Variants in IRX2 observed in about 807,000 individuals in gnomAD.
IRX2 encodes the protein iroquois-class homeodomain protein IRX-2.
In IRX2, 26 loss-of-function variants were observed where a neutral mutation model predicts 42.9. That is an observed-to-expected ratio of 0.61 (90% confidence interval 0.44 to 0.84). IRX2 has a LOEUF of 0.84. IRX2 is among the 40% of genes least tolerant of loss of function. The probability of loss-of-function intolerance (pLI) is 0.00; values close to 1 mark genes in which losing one functional copy is unlikely to be tolerated. For missense variants in IRX2, 782 were observed against 713.9 expected, an observed-to-expected ratio of 1.10 and a Z score of -1.09; for synonymous variants, 424 against 353.9, an observed-to-expected ratio of 1.20 and a Z score of -2.22.
the IRX2 span, among the ~76,000 whole-genome samples, chr5:2,735,718 G>C: frequency 6.6e-6 from 1 of 152,158 alleles, no homozygotes; most frequent in African/African-American, 2.4e-5. Flanking sequence ...GATGTAAGCA[G>C]AGTCTGGCAT....
chr5:2,748,783 T>C lies in IRX2; in HGVS notation c.925A>G (p.Lys309Glu). 1 of 1,408,534 alleles carries C rather than the reference T, an allele frequency of 7.1e-7. No individual in the cohort carries two copies. Among genetic ancestry groups the C allele is most frequent in the Non-Finnish European group, 9.1e-7 (1 of 1,094,652 alleles). The allele number at this position is 1,408,534 out of a possible 1,614,324, so 87.3% of individuals were successfully genotyped here. A position where few individuals can be genotyped will look rare whatever the true frequency, so the allele number is the denominator to read the frequency against. ...GACGTCCGGCTGCCCTGGGGCGTCT[T>C]GCGGCCACCGCGGGGCGCGGCCTCG... The part of the protein sequence containing the change: ...PPEAAPRGGR[K>E]TPQGSRTSPG... Residue 309 changes from lysine (K) to glutamate (E), a missense_variant, in exon 3 of 4, where the codon AAG becomes GAG. Physicochemically the swap from Lys to Glu is moderately conservative, Grantham distance 56 (BLOSUM62 1). Around this residue, in one of 3 missense-constraint regions of IRX2, gnomAD observed 520 missense variants for 437.8 expected, o/e 1.19. Coordinates refer to ENST00000302057, the MANE Select transcript of IRX2 (RefSeq NM_033267.5).
the IRX2 span, chr5:2,737,444 TCTAA>T: frequency 6.6e-6 from 1 of 152,180 alleles, no homozygotes; most frequent in African/African-American, 2.4e-5. Context: ...CTTGGCTTCA[TCTAA>T]CTAACAAGAA....
rs543717172 is a variant in IRX2, at chr5:2,747,229, AAT to A, written c.*333_*334del. On this transcript the variant is annotated 3_prime_UTR_variant, in exon 4 of 4. Coordinates refer to ENST00000302057, the MANE Select transcript of IRX2 (RefSeq NM_033267.5). ...TCAAAAGAAAACAACAGTAGTGTGT[AAT>A]ATATATATACACATGTACTATATAT... 4 of 159,280 alleles carry A rather than the reference AAT, an allele frequency of 2.5e-5. No homozygotes were observed. The highest frequency in any genetic ancestry group is 4.1e-5 in the Non-Finnish European group (3 of 73,268). The allele number at this position is 159,280 out of a possible 1,614,324, so 9.9% of individuals were successfully genotyped here. A position where few individuals can be genotyped will look rare whatever the true frequency, so the allele number is the denominator to read the frequency against.
chr5:2,751,139 C>A lies in IRX2; in HGVS notation c.249+26G>T. On this transcript the variant is annotated intron_variant, in intron 1 of 3. Coordinates refer to ENST00000302057, the MANE Select transcript of IRX2 (RefSeq NM_033267.5). The surrounding 1 kb of genome is among the most constrained non-coding windows in gnomAD (Gnocchi z 4.0). ...CGTCTGGGTCCCGGCGCCCAGGAGT[C>A]CCGCGTCCCGCCCGCGCCCGGTTAC... 1 of 1,232,350 alleles carries A rather than the reference C, an allele frequency of 8.1e-7. No individual in the cohort carries two copies. The highest frequency in any genetic ancestry group is 1.0e-6 in the Non-Finnish European group (1 of 986,350). 76.3% of individuals were successfully genotyped at this position (1,232,350 alleles called of 1,614,324 possible).
chr5:2,744,073 C>CGTGTGTGTGTGTGT (rs10547927), downstream of IRX2, among the ~76,000 whole-genome samples: 7 of 140,084 alleles, frequency 5.0e-5, no homozygotes, highest in Non-Finnish European at 7.7e-5. Context: ...AGAATGGAGT[C>CGTGTGTGTGTGTGT]GTGTGTGTGT....
At chr5:2,738,840 C>T in the IRX2 span, among the ~76,000 whole-genome samples, 2 of 152,316 alleles carry the variant, frequency 1.3e-5, no homozygotes, top group Middle Eastern at 3.4e-3. Flanking sequence ...CAGTCAGGGC[C>T]GCCAGAGGTC....
In IRX2 at chr5:2,751,300, G is replaced by C. The variant is rs1384744095; in HGVS notation, c.114C>G (p.Arg38=). 7.0e-7 allele frequency: 1 copy of C among 1,434,748 alleles called. No individual in the cohort carries two copies. Among genetic ancestry groups the C allele is most frequent in the Non-Finnish European group, 9.1e-7 (1 of 1,094,332 alleles). The allele number at this position is 1,434,748 out of a possible 1,614,324, so 88.9% of individuals were successfully genotyped here. A position where few individuals can be genotyped will look rare whatever the true frequency, so the allele number is the denominator to read the frequency against. ...LAAPRSEELA[R]SASGSAFSPY... ...GGCTGAACGCCGAGCCCGACGCCGA[G>C]CGCGCCAGCTCCTCGCTGCGCGGAG... The change falls in exon 1 of 4, where the codon CGC becomes CGG. Residue 38 remains arginine (R), a synonymous_variant. Transcript: ENST00000302057. This position sits in a 1 kb window ranked among gnomAD's most constrained non-coding sequence, Gnocchi z 4.0.
intron 3 of IRX2, among the ~76,000 whole-genome samples, chr5:2,747,939 A>G (rs1737737044): frequency 1.3e-5 from 2 of 152,182 alleles, no homozygotes; most frequent in South Asian, 4.1e-4. Context: ...AACGCCTCTG[A>G]GAGTAACTGG....
At chr5:2,750,091 C>T (rs1400028854) in intron 1 of IRX2, among the ~76,000 whole-genome samples, 1 of 152,130 alleles carries the variant, frequency 6.6e-6, no homozygotes, top group Non-Finnish European at 1.5e-5. Flanking sequence ...TGCACGTGCG[C>T]GCACACAGGC....
At chr5:2,748,195 G>C (rs942216008) in intron 3 of IRX2, 150 bp downstream of exon 3, 23 of 608,616 alleles carry the variant, frequency 3.8e-5, no homozygotes, top group South Asian at 3.5e-4. Context: ...CTTCCATCTC[G>C]CCCTCCGCCC....
downstream of IRX2, among the ~76,000 whole-genome samples, chr5:2,743,420 C>T (rs1338100986): frequency 3.3e-5 from 5 of 152,094 alleles, no homozygotes; most frequent in African/African-American, 9.7e-5. Flanking sequence ...CAGCCCCCGG[C>T]CCCCGGGGCC....
downstream of IRX2, among the ~76,000 whole-genome samples, chr5:2,743,340 T>G (rs1345759479): frequency 6.6e-6 from 1 of 152,120 alleles, no homozygotes; most frequent in East Asian, 1.9e-4. Context: ...TGGGAACAAA[T>G]GTTGACATTT....
chr5:2,735,782 T>C, the IRX2 span, among the ~76,000 whole-genome samples: 1 of 152,194 alleles, frequency 6.6e-6, no homozygotes, highest in Non-Finnish European at 1.5e-5. Flanking sequence ...CCAGGCCCCA[T>C]GATCCTGGTG....
At chr5:2,735,827 A>T in the IRX2 span, among the ~76,000 whole-genome samples, 1 of 152,126 alleles carries the variant, frequency 6.6e-6, no homozygotes, top group African/African-American at 2.4e-5. Flanking sequence ...CAACTAGTGG[A>T]GCTTGGTAAA....
At chr5:2,738,489 G>A in the IRX2 span, among the ~76,000 whole-genome samples, 1 of 151,982 alleles carries the variant, frequency 6.6e-6, no homozygotes, top group Non-Finnish European at 1.5e-5. Context: ...AGCCTGATTC[G>A]CCCCCCTGTT....
At chr5:2,741,844 A>G (rs1363573825), downstream of IRX2, among the ~76,000 whole-genome samples, 1 of 152,256 alleles carries the variant, frequency 6.6e-6, no homozygotes, top group Non-Finnish European at 1.5e-5. Context: ...GAACAAAGTA[A>G]CATTAGAACA....
At chr5:2,739,843 G>C in the IRX2 span, among the ~76,000 whole-genome samples, 1 of 152,232 alleles carries the variant, frequency 6.6e-6, no homozygotes, top group Non-Finnish European at 1.5e-5. Flanking sequence ...TGGGAGGCAA[G>C]AGGTCGGGGG....
chr5:2,749,118 C>A, intron 2 of IRX2, 66 bp from the exon 3 acceptor site: 2 of 1,553,434 alleles, frequency 1.3e-6, no homozygotes, highest in Non-Finnish European at 1.7e-6. Flanking sequence ...CCCCCTCCGC[C>A]CCCTGTCCTG....
downstream of IRX2, among the ~76,000 whole-genome samples, chr5:2,743,184 C>T (rs1433455722): frequency 6.6e-6 from 1 of 152,224 alleles, no homozygotes; most frequent in Non-Finnish European, 1.5e-5. Context: ...AGGCCCAAGG[C>T]TGCCCCTCTA....
Sources: gnomAD v4.1 joint callset for allele counts (sites outside exome capture counted in the v4.1 genomes callset) on GRCh38, gnomAD v4.1.1 for gene constraint, gnomAD v4.1.1 regional missense constraint, Gnocchi (gnomAD v3.1) non-coding constraint, MANE v1.5 for transcripts, NCBI Gene and HGNC (gene_info 2026-07-23, HGNC 2026-07-21) for gene names.